Variants in ONECUT1 observed in about 807,000 individuals in gnomAD.
ONECUT1 encodes one cut homeobox 1.
ONECUT1 carries 12 observed loss-of-function variants against 25.6 expected under a neutral mutation model. The ratio of observed to expected loss-of-function variants is 0.47; its 90% CI spans 0.30 to 0.76. ONECUT1 has a LOEUF of 0.76. Ranked by LOEUF, ONECUT1 falls within the 30% of genes least tolerant of loss-of-function variation. The pLI, the probability that ONECUT1 is intolerant of heterozygous loss-of-function variation, is 0.07. For missense variants in ONECUT1, 620 were observed against 651.2 expected, an observed-to-expected ratio of 0.95 and a Z score of 0.52; for synonymous variants, 285 against 270.2, an observed-to-expected ratio of 1.05 and a Z score of -0.54.
intron 1 of ONECUT1, among the ~76,000 whole-genome samples, chr15:52,761,170 A>T (rs1228557239): frequency 6.6e-6 from 1 of 152,140 alleles, no homozygotes; most frequent in African/African-American, 2.4e-5. Flanking sequence ...CTAAAGAGTC[A>T]TCTGGTTCAA....
At chr15:52,780,886 C>G in intron 1 of ONECUT1, 2 of 1,336,522 alleles carry the variant, frequency 1.5e-6, no homozygotes, top group Non-Finnish European at 1.9e-6. Flanking sequence ...CTGAATATCC[C>G]GTGGCGGCAT....
At chr15:52,772,911 T>A (rs183186319) in intron 1 of ONECUT1, among the ~76,000 whole-genome samples, 2 of 152,298 alleles carry the variant, frequency 1.3e-5, no homozygotes, top group East Asian at 1.9e-4. Context: ...CATACGCATA[T>A]AACAAACCCA....
intron 1 of ONECUT1, among the ~76,000 whole-genome samples, chr15:52,785,241 T>C (rs939894033): frequency 6.6e-6 from 1 of 152,374 alleles, no homozygotes; most frequent in African/African-American, 2.4e-5. Context: ...GCAAATGGAC[T>C]TGTGCAGGGG....
chr15:52,780,651 C>T, intron 1 of ONECUT1: 1 of 1,534,866 alleles, frequency 6.5e-7, no homozygotes, highest in Non-Finnish European at 8.7e-7. Context: ...AGCCACTCCT[C>T]TCACGCACTT....
At chr15:52,761,826 T>C (rs530863013) in intron 1 of ONECUT1, among the ~76,000 whole-genome samples, 1 of 152,320 alleles carries the variant, frequency 6.6e-6, no homozygotes, top group East Asian at 1.9e-4. Flanking sequence ...GGTTGGATGA[T>C]AGTAATGGGG....
chr15:52,777,729 C>CAAAAA lies in ONECUT1; in HGVS notation c.1105+11050_1105+11051insTTTTT, dbSNP rs1309303644. Among the ~76,000 whole-genome samples the CAAAAA allele has an allele frequency of 2.3e-4, 20 of 87,380 alleles. No individual in the cohort carries two copies. In the East Asian group the frequency reaches 3.3e-3, roughly 15 times the overall value. 57.3% of individuals were successfully genotyped at this position (87,380 alleles called of 152,430 possible). On this transcript the variant is annotated intron_variant, in intron 1 of 1. Transcript: ENST00000305901. ...ACACACACACACACACACACACACACACACACACAAAAAAACATGTAAAGT... is the reference window on the plus strand; with the variant it reads ...ACACACACACACACACACACACACACAAAAAACACACACAAAAAAACATGTAAAGT...
At chr15:52,768,647 T>C (rs933102961) in intron 1 of ONECUT1, among the ~76,000 whole-genome samples, 6 of 152,222 alleles carry the variant, frequency 3.9e-5, no homozygotes, top group African/African-American at 1.4e-4. Flanking sequence ...ATGTATATGT[T>C]ACTTTATAGT....
chr15:52,760,310 T>A (rs773660023), intron 1 of ONECUT1, among the ~76,000 whole-genome samples: 47 of 152,172 alleles, frequency 3.1e-4, no homozygotes, highest in Middle Eastern at 3.2e-3. Context: ...GGCACCTAGA[T>A]TAAGTCCCAG....
In ONECUT1 at chr15:52,784,582, C is replaced by T. The variant is rs1464983484; in HGVS notation, c.1105+4198G>A. Among the ~76,000 whole-genome samples the T allele has an allele frequency of 6.6e-6, 1 of 152,166 alleles. No individual in the cohort carries two copies. Among genetic ancestry groups the T allele is most frequent in the Non-Finnish European group, 1.5e-5 (1 of 68,028 alleles). On this transcript the variant is annotated intron_variant, in intron 1 of 1. Transcript: ENST00000305901. This position sits in a 1 kb window ranked among gnomAD's most constrained non-coding sequence, Gnocchi z 5.0. ...GCCCACTTCTTATCCCCAAGCGCAC[C>T]TCCCTCTCCTCACCCGGGTTTATGC...
Position 52,790,092 on chromosome 15 carries a change from CT to C in ONECUT1, c.-209del. 3.1e-6 allele frequency: 2 copies of C among 643,292 alleles called. No individual in the cohort carries two copies. The highest frequency in any genetic ancestry group is 4.4e-6 in the Non-Finnish European group (2 of 450,120). The allele number at this position is 643,292 out of a possible 1,614,324, so 39.8% of individuals were successfully genotyped here. On this transcript the variant is annotated 5_prime_UTR_variant, in exon 1 of 2. Coordinates refer to ENST00000305901, the MANE Select transcript of ONECUT1 (RefSeq NM_004498.4). ...GTGTGTGTGTGTGTGTGTGTCTCGCCTTCCCTCTTACCCCCCACCTTCCCCT... is the reference window on the plus strand; with the variant it reads ...GTGTGTGTGTGTGTGTGTGTCTCGCCTCCCTCTTACCCCCCACCTTCCCCT...
chr15:52,770,882 ATTTAT>A (rs1238823772), intron 1 of ONECUT1, among the ~76,000 whole-genome samples: 2 of 152,162 alleles, frequency 1.3e-5, no homozygotes, highest in African/African-American at 2.4e-5. Context: ...GAGAGAGAAC[ATTTAT>A]TTTAATTTTT....
At position 52,788,821 on chromosome 15, in the gene ONECUT1, T is replaced by A. The variant is rs1447124437; in HGVS notation, c.1064A>T (p.Gln355Leu). The A allele has an allele frequency of 6.2e-7, 1 of 1,613,602 alleles. No individual in the cohort carries two copies. Residue 355 changes from glutamine (Q) to leucine (L), a missense_variant, in exon 1 of 2, where the codon CAG (glutamine) becomes CTG (leucine). By Grantham distance (113) the Gln-to-Leu change is moderately radical. Around this residue, in one of 4 missense-constraint regions of ONECUT1, gnomAD observed 146 missense variants for 201.8 expected, o/e 0.72. Coordinates refer to ENST00000305901, the MANE Select transcript of ONECUT1 (RefSeq NM_004498.4). The surrounding 1 kb of genome is among the most constrained non-coding windows in gnomAD (Gnocchi z 4.3). ...ETFRRMWKWL[Q>L]EPEFQRMSAL... ...GGACATGCGCTGGAACTCCGGCTCC[T>A]GCAGCCACTTCCACATCCTCCGGAA...
intron 1 of ONECUT1, among the ~76,000 whole-genome samples, chr15:52,772,000 G>T (rs1325112618): frequency 1.3e-5 from 2 of 152,316 alleles, no homozygotes; most frequent in Admixed American, 1.3e-4. Flanking sequence ...GGATCTTTCT[G>T]TGGGACTGGG....
rs200388412 is a variant in ONECUT1 at position 52,778,992 on chromosome 15, TTTC to T, written c.1105+9785_1105+9787del. On this transcript the variant is annotated intron_variant, in intron 1 of 1. Transcript: ENST00000305901. ...ACTTTATTCTTAATCCAGAGAGGGT[TTTC>T]TTTTTTTTTTTTTTGTAACTGAAGA... is the stretch of plus-strand genomic sequence containing the variant. Among the ~76,000 whole-genome samples, 381 of 131,712 alleles carry T rather than the reference TTTC, an allele frequency of 2.9e-3. 1 individual carries two copies. Among genetic ancestry groups the T allele is most frequent in the African/African-American group, 0.015 (354 of 23,628 alleles). The allele number at this position is 131,712 out of a possible 152,430, so 86.4% of individuals were successfully genotyped here.
At chr15:52,779,954 G>A (rs2083829732) in intron 1 of ONECUT1, among the ~76,000 whole-genome samples, 1 of 152,202 alleles carries the variant, frequency 6.6e-6, no homozygotes, top group Non-Finnish European at 1.5e-5. Context: ...GGGAGGAAAA[G>A]GAGTGCTTCC....
chr15:52,775,176 C>G (rs181662818), intron 1 of ONECUT1, among the ~76,000 whole-genome samples: 351 of 121,986 alleles, frequency 2.9e-3, no homozygotes, highest in African/African-American at 0.01. Context: ...GGTGACAGAG[C>G]AAGACTGTCT....
rs772253068 is a variant in ONECUT1 at position 52,759,777 on chromosome 15, AT to A, written c.1106-1931del. Among the ~76,000 whole-genome samples the A allele has an allele frequency of 6.0e-5, 9 of 148,960 alleles. No homozygotes were observed. The South Asian group carries it at 6.3e-4, about 10-fold the overall frequency. ...GCCACAACCTGGCTAATTTTTTTGA[AT>A]TTTTTTTTTTTATAGAGATGGGGTC... On this transcript the variant is annotated intron_variant, in intron 1 of 1. Coordinates refer to ENST00000305901, the MANE Select transcript of ONECUT1 (RefSeq NM_004498.4).
intron 1 of ONECUT1, among the ~76,000 whole-genome samples, chr15:52,778,564 G>C (rs926890901): frequency 2.6e-5 from 4 of 152,216 alleles, no homozygotes; most frequent in African/African-American, 9.7e-5. Context: ...GTGGCTAAGA[G>C]TTCCTAATGA....
Position 52,777,733 on chromosome 15 carries a change from C to CAAAAA in ONECUT1, c.1105+11046_1105+11047insTTTTT, listed in dbSNP as rs1402130601. 6.5e-3 allele frequency among the ~76,000 whole-genome samples: 558 copies of CAAAAA among 85,200 alleles called. 34 individuals are homozygous for CAAAAA. The East Asian group carries it at 0.088, about 13-fold the overall frequency. 55.9% of individuals were successfully genotyped at this position (85,200 alleles called of 152,430 possible). ...ACACACACACACACACACACACACA[C>CAAAAA]ACACAAAAAAACATGTAAAGTTATT... On this transcript the variant is annotated intron_variant, in intron 1 of 1. Coordinates refer to ENST00000305901, the MANE Select transcript of ONECUT1 (RefSeq NM_004498.4).
Sources: gnomAD v4.1 joint callset for allele counts (sites outside exome capture counted in the v4.1 genomes callset) on GRCh38, gnomAD v4.1.1 for gene constraint, gnomAD v4.1.1 regional missense constraint, Gnocchi (gnomAD v3.1) non-coding constraint, MANE v1.5 for transcripts, NCBI Gene and HGNC (gene_info 2026-07-23, HGNC 2026-07-21) for gene names.